Variants in CUBN observed in about 807,000 individuals in gnomAD.
CUBN encodes the protein cubilin, also known as 460 kDa receptor.
In CUBN, 282 loss-of-function variants were observed where a neutral mutation model predicts 405.3. That is an observed-to-expected ratio of 0.70 (90% CI 0.63 to 0.77). CUBN has a LOEUF of 0.77. CUBN is among the 30% of genes least tolerant of loss of function. CUBN has a pLI of 0.00. For missense variants in CUBN, 4,514 were observed against 4,475.2 expected, an observed-to-expected ratio of 1.01 and a Z score of -0.25; for synonymous variants, 1,684 against 1,617.0, an observed-to-expected ratio of 1.04 and a Z score of -0.99.
intron 27 of CUBN, among the ~76,000 whole-genome samples, chr10:17,020,943 T>C (rs1477975565): frequency 6.6e-6 from 1 of 152,204 alleles, no homozygotes; most frequent in African/African-American, 2.4e-5. Context: ...TTAAATTTCT[T>C]ACCAGAAAGT....
At chr10:16,969,545 G>T (rs1047107505) in intron 31 of CUBN, among the ~76,000 whole-genome samples, 3 of 152,106 alleles carry the variant, frequency 2.0e-5, no homozygotes, top group Non-Finnish European at 4.4e-5. Flanking sequence ...AGTAGAGACG[G>T]GGTTTCATCA....
intron 27 of CUBN, among the ~76,000 whole-genome samples, chr10:17,038,600 T>G (rs763124993): frequency 6.6e-6 from 1 of 152,202 alleles, no homozygotes; most frequent in African/African-American, 2.4e-5. Context: ...CTGGCTCTAG[T>G]AACAGGCATC....
At chr10:16,913,372 T>C (rs1841788050) in intron 48 of CUBN, among the ~76,000 whole-genome samples, 1 of 152,164 alleles carries the variant, frequency 6.6e-6, no homozygotes, top group Admixed American at 6.5e-5. Context: ...GTTGGTGACA[T>C]GGAGGTCACG....
At chr10:16,995,472 A>G (rs1833707601) in intron 28 of CUBN, among the ~76,000 whole-genome samples, 1 of 152,160 alleles carries the variant, frequency 6.6e-6, no homozygotes, top group Admixed American at 6.5e-5. Flanking sequence ...CCTTTCACAC[A>G]TGCTGTGTAT....
chr10:17,048,570 C>A (rs550676330), intron 22 of CUBN, among the ~76,000 whole-genome samples: 1 of 152,002 alleles, frequency 6.6e-6, no homozygotes, highest in South Asian at 2.1e-4. Flanking sequence ...CTCTGCCCCC[C>A]GAGTTCAAGC....
chr10:16,926,120 A>T (rs1425806603), intron 41 of CUBN, among the ~76,000 whole-genome samples: 1 of 152,196 alleles, frequency 6.6e-6, no homozygotes, highest in African/African-American at 2.4e-5. Context: ...GAGAGGAGGG[A>T]GAAGGGTACT....
At chr10:16,868,693 A>G (rs1231247289) in intron 59 of CUBN, among the ~76,000 whole-genome samples, 1 of 152,062 alleles carries the variant, frequency 6.6e-6, no homozygotes, top group African/African-American at 2.4e-5. Flanking sequence ...TTTGATGTGG[A>G]TAATTTATTT....
rs949685483 is a variant in CUBN at position 16,901,357 on chromosome 10, G to T, written c.8165C>A (p.Pro2722Gln). Residue 2722 changes from proline (P) to glutamine (Q), a missense_variant, in exon 52 of 67, where the codon CCA (proline) becomes CAA (glutamine). By Grantham distance (76) the Pro-to-Gln change is moderately conservative (BLOSUM62 -1). Transcript: ENST00000377833. The stretch of plus-strand genomic sequence containing the variant: ...ACTCACAGTGATGGTGTGCCCTTGT[G>T]GGGCCTCCAACAGCGAAGAGCAGTG... Reference protein sequence around the residue: ...LTHCSSLLEAPQGHTITLTFS... With the variant: ...LTHCSSLLEAQQGHTITLTFS... The T allele has an allele frequency of 1.2e-6, 2 of 1,614,002 alleles. No individual in the cohort carries two copies. Among genetic ancestry groups the T allele is most frequent in the Middle Eastern group, 1.6e-4 (1 of 6,084 alleles).
intron 26 of CUBN, among the ~76,000 whole-genome samples, chr10:17,041,890 CTTGAGCTGAGT>C (rs1835028851): frequency 6.6e-6 from 1 of 152,160 alleles, no homozygotes; most frequent in Non-Finnish European, 1.5e-5. Context: ...GTGGCATTTT[CTTGAGCTGAGT>C]TTTCAACAAA....
intron 23 of CUBN, among the ~76,000 whole-genome samples, chr10:17,046,758 T>C (rs1374264417): frequency 1.3e-5 from 2 of 152,166 alleles, no homozygotes; most frequent in Admixed American, 6.5e-5. Flanking sequence ...ACATTTATAA[T>C]ACATAAGATT....
intron 59 of CUBN, among the ~76,000 whole-genome samples, chr10:16,858,369 G>A (rs1291751676): frequency 3.3e-5 from 5 of 152,092 alleles, no homozygotes; most frequent in African/African-American, 1.2e-4. Flanking sequence ...CACCCAGACT[G>A]GAGTGCAGTG....
intron 17 of CUBN, among the ~76,000 whole-genome samples, chr10:17,083,184 A>C (rs867219697): frequency 6.6e-6 from 1 of 152,092 alleles, no homozygotes; most frequent in Non-Finnish European, 1.5e-5. Context: ...CCCATTCTGA[A>C]ATGATCTTAA....
chr10:17,015,704 T>G (rs7090180), intron 28 of CUBN, among the ~76,000 whole-genome samples: 98,286 of 152,030 alleles, frequency 0.65, 32,135 homozygotes, highest in African/African-American at 0.76. Context: ...GGGGACTTCT[T>G]GCCCAGAGAA....
chr10:16,877,519 G>T (rs144186741), intron 56 of CUBN, among the ~76,000 whole-genome samples: 1 of 152,060 alleles, frequency 6.6e-6, no homozygotes, highest in Admixed American at 6.6e-5. Flanking sequence ...CCTACACCCC[G>T]GACCCTCTGG....
intron 54 of CUBN, among the ~76,000 whole-genome samples, chr10:16,897,703 C>T (rs893277767): frequency 8.5e-5 from 13 of 152,108 alleles, no homozygotes; most frequent in Admixed American, 4.6e-4. Flanking sequence ...GGCTGCTTGC[C>T]GAAGCTGGGT....
chr10:17,096,913 T>C (rs955302007), intron 14 of CUBN, among the ~76,000 whole-genome samples: 1 of 152,082 alleles, frequency 6.6e-6, no homozygotes, highest in Non-Finnish European at 1.5e-5. Flanking sequence ...AAAACATACA[T>C]ATTAAAACCT....
chr10:16,903,672 T>A (rs982994250), intron 51 of CUBN, among the ~76,000 whole-genome samples: 6 of 147,750 alleles, frequency 4.1e-5, no homozygotes, highest in Non-Finnish European at 6.0e-5. Context: ...TTTATTATTA[T>A]TAATTATTAA....
chr10:16,869,495 C>G (rs1840284894), intron 59 of CUBN, 141 bp downstream of exon 59: 3 of 726,716 alleles, frequency 4.1e-6, no homozygotes, highest in Non-Finnish European at 4.8e-6. Flanking sequence ...GTTTTAAAAC[C>G]AAGCCCTTAC....
At chr10:17,105,716 A>G (rs572534208) in intron 10 of CUBN, 141 bp from the exon 11 acceptor site, 2 of 662,000 alleles carry the variant, frequency 3.0e-6, no homozygotes, top group African/African-American at 3.6e-5. Context: ...AAAACAAGGT[A>G]TGAGGAGAAA....
Sources: allele counts gnomAD v4.1 joint callset (sites outside exome capture counted in the v4.1 genomes callset), GRCh38; gene constraint gnomAD v4.1.1; transcripts MANE v1.5; gene names NCBI Gene and HGNC (gene_info 2026-07-23, HGNC 2026-07-21).